STK32A: variants seen among roughly 807,000 people sequenced by gnomAD.
STK32A encodes serine/threonine kinase 32A, also known as serine/threonine-protein kinase 32A.
In STK32A, 41 loss-of-function variants were observed where a neutral mutation model predicts 53.2. The ratio of observed to expected loss-of-function variants is 0.77; its 90% CI spans 0.60 to 1.00. The LOEUF (loss-of-function observed/expected upper bound fraction) is 1.00. Among genes scored for constraint, STK32A ranks in the 50% least tolerant of loss-of-function variants. The pLI, the probability that STK32A is intolerant of heterozygous loss-of-function variation, is 0.00. For synonymous variants in STK32A, 166 were observed against 162.8 expected (o/e 1.02, Z -0.15); for missense variants, 458 against 485.8 (o/e 0.94, Z 0.54).
chr5:147,269,937 T>C (rs186907584), intron 2 of STK32A, among the ~76,000 whole-genome samples: 76 of 152,348 alleles, frequency 5.0e-4, no homozygotes, highest in Admixed American at 1.6e-3. Context: ...AGTAGCAGAA[T>C]GACTTTTTGG....
intron 2 of STK32A, among the ~76,000 whole-genome samples, chr5:147,259,837 CCT>C (rs1417441113): frequency 6.8e-6 from 1 of 147,266 alleles, no homozygotes; most frequent in African/African-American, 2.5e-5. Context: ...GTTTCTCTCT[CCT>C]CTGTCTCTCT....
intron 4 of STK32A, among the ~76,000 whole-genome samples, chr5:147,313,076 A>T (rs2151972161): frequency 6.8e-6 from 1 of 147,388 alleles, no homozygotes; most frequent in African/African-American, 2.5e-5. Context: ...AAAAAAAAAA[A>T]AAAAAAAAAT....
intron 5 of STK32A, among the ~76,000 whole-genome samples, chr5:147,339,576 T>C (rs961496767): frequency 1.3e-5 from 2 of 152,232 alleles, no homozygotes; most frequent in African/African-American, 4.8e-5. Context: ...GTTTGCACCA[T>C]GTGCCTGGAA....
chr5:147,280,664 G>C (rs1752022453), intron 4 of STK32A, among the ~76,000 whole-genome samples: 1 of 151,246 alleles, frequency 6.6e-6, no homozygotes, highest in Admixed American at 6.6e-5. Flanking sequence ...TGAGCTCAGA[G>C]ACACCTAGCC....
Position 147,328,946 on chromosome 5 carries a change from G to A in STK32A, c.434+4875G>A, listed in dbSNP as rs1561724045. Among the ~76,000 whole-genome samples, 3 of 152,098 alleles carry A rather than the reference G, an allele frequency of 2.0e-5. No homozygotes were observed. In the South Asian group the frequency reaches 6.2e-4, roughly 32 times the overall value. ...TTTTGGGTCAAAATACCATTTGAGA[G>A]GATGGTTGATTGTTTTTTCCCTCTG... On this transcript the variant is annotated intron_variant, in intron 5 of 12. Coordinates refer to ENST00000397936, the MANE Select transcript of STK32A (RefSeq NM_001112724.2).
intron 6 of STK32A, chr5:147,348,924 G>C: frequency 1.9e-6 from 1 of 534,232 alleles, no homozygotes; most frequent in Non-Finnish European, 3.4e-6. Context: ...TTACAGAGAG[G>C]ATAAGTGACG....
chr5:147,397,482 A>C, the STK32A span, among the ~76,000 whole-genome samples: 1 of 152,214 alleles, frequency 6.6e-6, no homozygotes, highest in Non-Finnish European at 1.5e-5. Flanking sequence ...TCTTTGAACA[A>C]AAATTTTCAA....
intron 4 of STK32A, among the ~76,000 whole-genome samples, chr5:147,317,327 T>C (rs1179354412): frequency 4.0e-5 from 5 of 124,762 alleles, no homozygotes; most frequent in East Asian, 2.2e-4. Flanking sequence ...TTCTTTCTTT[T>C]TTTTTTTTTT....
intron 4 of STK32A, among the ~76,000 whole-genome samples, chr5:147,319,364 G>A (rs975004832): frequency 1.3e-5 from 2 of 151,766 alleles, no homozygotes; most frequent in African/African-American, 4.8e-5. Flanking sequence ...GGATGGTCTC[G>A]GTCTCCTGAC....
At chr5:147,374,173 A>G (rs997599571) in intron 10 of STK32A, among the ~76,000 whole-genome samples, 1 of 151,784 alleles carries the variant, frequency 6.6e-6, no homozygotes, top group Non-Finnish European at 1.5e-5. Context: ...GTGTAGTCTC[A>G]GCTACCTAGG....
intron 8 of STK32A, among the ~76,000 whole-genome samples, chr5:147,366,277 A>G: frequency 6.6e-6 from 1 of 152,202 alleles, no homozygotes; most frequent in East Asian, 1.9e-4. Context: ...CTTCGCCTAT[A>G]AAGAGAGTTT....
rs377192467 is a variant in STK32A at position 147,370,694 on chromosome 5, T to G, written c.701T>G (p.Ile234Ser). 9 of 1,612,408 alleles carry G rather than the reference T, an allele frequency of 5.6e-6. No homozygotes were observed. Among genetic ancestry groups the G allele is most frequent in the Non-Finnish European group, 6.8e-6 (8 of 1,178,808 alleles). ...CGCTCCAGTACTTCCAGCAAGGAAA[T>G]TGTACACACGTTTGAGACGACTGTT... The part of the protein sequence containing the change: ...HIRSSTSSKE[I>S]VHTFETTVVT... The change falls in exon 9 of 13, where the codon ATT (isoleucine) becomes AGT (serine). Residue 234 changes from isoleucine to serine, a missense_variant. Ile to Ser is a moderately radical substitution (Grantham distance 142). Coordinates refer to ENST00000397936, the MANE Select transcript of STK32A (RefSeq NM_001112724.2).
At chr5:147,313,063 CAAAAAAAAA>C (rs71583952) in intron 4 of STK32A, among the ~76,000 whole-genome samples, 3 of 78,662 alleles carry the variant, frequency 3.8e-5, no homozygotes, top group East Asian at 3.2e-4. Flanking sequence ...CTCATCTCTA[CAAAAAAAAA>C]AAAAAAAAAA....
intron 7 of STK32A, among the ~76,000 whole-genome samples, chr5:147,351,741 G>C (rs1452204343): frequency 1.3e-5 from 2 of 152,144 alleles, no homozygotes; most frequent in African/African-American, 4.8e-5. Context: ...CAGCTACTCG[G>C]GGGGCTGAGG....
chr5:147,262,013 G>A (rs1245191051), intron 2 of STK32A, among the ~76,000 whole-genome samples: 1 of 152,160 alleles, frequency 6.6e-6, no homozygotes, highest in Admixed American at 6.5e-5. Flanking sequence ...CATTTGCGAG[G>A]TTAAATGAGA....
At chr5:147,278,840 TA>T (rs1751897390) in intron 3 of STK32A, among the ~76,000 whole-genome samples, 1 of 152,186 alleles carries the variant, frequency 6.6e-6, no homozygotes, top group Non-Finnish European at 1.5e-5. Flanking sequence ...CCTTTTTGGT[TA>T]TATCATGTAT....
intron 6 of STK32A, chr5:147,348,897 T>C (rs1755822643): frequency 5.1e-6 from 3 of 585,572 alleles, no homozygotes; most frequent in Non-Finnish European, 9.4e-6. Context: ...GAGAAGACTA[T>C]GATTATCTTT....
At chr5:147,292,627 G>T (rs1301186184) in intron 4 of STK32A, among the ~76,000 whole-genome samples, 1 of 152,186 alleles carries the variant, frequency 6.6e-6, no homozygotes, top group East Asian at 1.9e-4. Context: ...CCAGCATTTT[G>T]GGAGGCCAAG....
chr5:147,396,638 G>A, the STK32A span, among the ~76,000 whole-genome samples: 1 of 152,116 alleles, frequency 6.6e-6, no homozygotes, highest in African/African-American at 2.4e-5. Flanking sequence ...TTCTAGTGAT[G>A]TGATGACTGT....
Sources: allele counts gnomAD v4.1 joint callset (sites outside exome capture counted in the v4.1 genomes callset), GRCh38; gene constraint gnomAD v4.1.1; transcripts MANE v1.5; gene names NCBI Gene and HGNC (gene_info 2026-07-23, HGNC 2026-07-21).